The following ADGRV1 variants were observed in gnomAD, a reference collection of about 807,000 sequenced individuals.
ADGRV1 encodes the protein G-protein coupled receptor 98.
Under a neutral mutation model 596.2 loss-of-function variants are expected in ADGRV1, and 359 were observed. That is an observed-to-expected ratio of 0.60 (90% CI 0.55 to 0.66). The LOEUF (loss-of-function observed/expected upper bound fraction) is 0.66. Among genes scored for constraint, ADGRV1 ranks in the 30% least tolerant of loss-of-function variants. ADGRV1 has a pLI of 0.00. For synonymous variants in ADGRV1, 2,681 were observed against 2,679.2 expected, an observed-to-expected ratio of 1.00 and a Z score of -0.02; for missense variants, 7,274 against 7,575.6, an observed-to-expected ratio of 0.96 and a Z score of 1.48.
chr5:90,567,190 G>A (rs2151947891), intron 1 of ADGRV1, among the ~76,000 whole-genome samples: 1 of 152,000 alleles, frequency 6.6e-6, no homozygotes, highest in Non-Finnish European at 1.5e-5. Context: ...ATATGTTACT[G>A]GATTTGGTTT....
At chr5:91,045,238 A>G (rs1436316784) in intron 85 of ADGRV1, among the ~76,000 whole-genome samples, 1 of 152,190 alleles carries the variant, frequency 6.6e-6, no homozygotes, top group East Asian at 1.9e-4. Context: ...ATAACCAAAA[A>G]AGAAGACTAC....
At chr5:90,572,551 G>A (rs1342814690) in intron 1 of ADGRV1, among the ~76,000 whole-genome samples, 1 of 152,128 alleles carries the variant, frequency 6.6e-6, no homozygotes, top group Non-Finnish European at 1.5e-5. Flanking sequence ...TCTTATCTTT[G>A]ACAAGGCCAA....
intron 85 of ADGRV1, among the ~76,000 whole-genome samples, chr5:91,027,729 G>T (rs780618302): frequency 6.6e-6 from 1 of 152,184 alleles, no homozygotes; most frequent in Non-Finnish European, 1.5e-5. Context: ...AGCATTGTTT[G>T]AGTTCTCTTT....
At chr5:91,039,725 A>T (rs1398446957) in intron 85 of ADGRV1, among the ~76,000 whole-genome samples, 1 of 152,184 alleles carries the variant, frequency 6.6e-6, no homozygotes, top group African/African-American at 2.4e-5. Context: ...GGAAGGTTAA[A>T]ACAAGGTACA....
intron 1 of ADGRV1, among the ~76,000 whole-genome samples, chr5:90,565,004 G>T (rs1755447105): frequency 6.6e-6 from 1 of 152,054 alleles, no homozygotes; most frequent in Admixed American, 6.5e-5. Context: ...AAAGGCCAAG[G>T]TGGGCGGGTC....
chr5:91,001,808 A>G (rs1291924043), intron 85 of ADGRV1, among the ~76,000 whole-genome samples: 2 of 151,984 alleles, frequency 1.3e-5, no homozygotes, highest in East Asian at 3.9e-4. Flanking sequence ...CCTGAATATC[A>G]ATTAACTTAT....
At chr5:90,631,147 G>A (rs989712345) in intron 9 of ADGRV1, among the ~76,000 whole-genome samples, 4 of 152,164 alleles carry the variant, frequency 2.6e-5, no homozygotes, top group African/African-American at 7.2e-5. Context: ...AACTTGAAAG[G>A]TATTGTTGTT....
In ADGRV1 at chr5:90,628,657, T is replaced by G. The variant is rs780188051; in HGVS notation, c.1334T>G (p.Val445Gly). The change falls in exon 8 of 90, where the codon GTA (valine) becomes GGA (glycine). Residue 445 changes from valine to glycine, a missense_variant. Transcript: ENST00000405460. ...LTRNSTDPSP[V>G]TADIRPSSGV... ...CGGAACAGCACTGATCCCTCACCAG[T>G]AACAGCAGATATCAGACCGAGCTCT... The G allele has an allele frequency of 6.2e-7, 1 of 1,614,002 alleles. No homozygotes were observed. Among genetic ancestry groups the G allele is most frequent in the Non-Finnish European group, 8.5e-7 (1 of 1,179,878 alleles).
At position 90,750,549 on chromosome 5, in the gene ADGRV1, A is replaced by C. The variant is rs779117887; in HGVS notation, c.10975-2A>C. The C allele has an allele frequency of 8.8e-6, 14 of 1,591,502 alleles. No homozygotes were observed. In the South Asian group the frequency reaches 1.6e-4, roughly 18 times the overall value. On this transcript the variant is annotated splice_acceptor_variant, in intron 52 of 89. Transcript: ENST00000405460. LOFTEE classifies it high-confidence loss of function. The stretch of plus-strand genomic sequence containing the variant: ...CTTGTGACTTTCTGTGTATTTTTTC[A>C]GAATTCATTATATAAGCAAGTGGAA...
chr5:90,584,258 C>T (rs1427255575), intron 1 of ADGRV1, among the ~76,000 whole-genome samples: 1 of 152,076 alleles, frequency 6.6e-6, no homozygotes, highest in Non-Finnish European at 1.5e-5. Context: ...GATTCGGGTG[C>T]CTAAATGAAA....
At chr5:90,844,779 C>T (rs1294894455) in intron 78 of ADGRV1, among the ~76,000 whole-genome samples, 3 of 152,136 alleles carry the variant, frequency 2.0e-5, no homozygotes, top group Non-Finnish European at 2.9e-5. Flanking sequence ...CAAAGGCCTC[C>T]GTCTTTGTCT....
chr5:90,858,476 CT>C (rs1204961070), intron 82 of ADGRV1, among the ~76,000 whole-genome samples: 16 of 148,690 alleles, frequency 1.1e-4, no homozygotes, highest in Non-Finnish European at 1.5e-4. Context: ...GTCTTGTAAT[CT>C]TTTTTTTTTG....
At chr5:90,826,698 T>C (rs919478109) in intron 76 of ADGRV1, among the ~76,000 whole-genome samples, 8 of 152,110 alleles carry the variant, frequency 5.3e-5, no homozygotes, top group African/African-American at 1.9e-4. Flanking sequence ...ACACAAGTGG[T>C]AGAAGAGTTA....
At chr5:90,929,159 C>G (rs1025978682) in intron 83 of ADGRV1, 1 of 155,830 alleles carries the variant, frequency 6.4e-6, no homozygotes, top group Non-Finnish European at 1.4e-5. Flanking sequence ...GTGGGCTCCA[C>G]CCAGTTTGAG....
chr5:90,690,037 A>G lies in ADGRV1; in HGVS notation c.6667A>G (p.Ile2223Val). ...ACTAGGGGCTTTAACAGAGGCAGTC[A>G]TTATTATTGAGGCCTCTGATGACCC... is the stretch of plus-strand genomic sequence containing the variant. Reference protein sequence around the residue: ...ARLGALTEAVIIIEASDDPYG... With the variant: ...ARLGALTEAVVIIEASDDPYG... The change falls in exon 30 of 90, where the codon ATT becomes GTT. Residue 2223 changes from isoleucine (I) to valine (V), a missense_variant. Coordinates refer to ENST00000405460, the MANE Select transcript of ADGRV1 (RefSeq NM_032119.4). 1.3e-6 allele frequency: 2 copies of G among 1,589,440 alleles called. No homozygotes were observed. Among genetic ancestry groups the G allele is most frequent in the Non-Finnish European group, 1.7e-6 (2 of 1,166,546 alleles).
At chr5:90,873,013 C>T (rs1386335469) in intron 83 of ADGRV1, among the ~76,000 whole-genome samples, 1 of 152,180 alleles carries the variant, frequency 6.6e-6, no homozygotes, top group Non-Finnish European at 1.5e-5. Flanking sequence ...TTGACCTAAA[C>T]CCCAGGAAGT....
At chr5:90,718,976 T>C (rs977959724) in intron 43 of ADGRV1, among the ~76,000 whole-genome samples, 1 of 152,234 alleles carries the variant, frequency 6.6e-6, no homozygotes, top group African/African-American at 2.4e-5. Flanking sequence ...ACACAAATCT[T>C]AAGTATATGG....
chr5:91,003,033 A>G (rs1350322920), intron 85 of ADGRV1, among the ~76,000 whole-genome samples: 1 of 152,134 alleles, frequency 6.6e-6, no homozygotes, highest in Non-Finnish European at 1.5e-5. Context: ...GTACCTGTGT[A>G]ATAGATCTTT....
chr5:90,973,431 A>T (rs1322261563), intron 84 of ADGRV1, among the ~76,000 whole-genome samples: 1 of 152,238 alleles, frequency 6.6e-6, no homozygotes, highest in East Asian at 1.9e-4. Flanking sequence ...ATCCCTGATG[A>T]ACATTGATGC....
Sources: gnomAD v4.1 joint callset for allele counts (sites outside exome capture counted in the v4.1 genomes callset) on GRCh38, gnomAD v4.1.1 for gene constraint, MANE v1.5 for transcripts, NCBI Gene and HGNC (gene_info 2026-07-23, HGNC 2026-07-21) for gene names.